Variants in PDE7B observed in about 807,000 individuals in gnomAD.
The protein encoded by PDE7B is 3',5'-cyclic-AMP phosphodiesterase 7B.
In PDE7B, 29 loss-of-function variants were observed where a neutral mutation model predicts 56.2. The observed-to-expected ratio is 0.52, with a 90% CI of 0.38 to 0.70. The LOEUF (loss-of-function observed/expected upper bound fraction) is 0.70. Ranked by LOEUF, PDE7B falls within the 30% of genes least tolerant of loss-of-function variation. PDE7B has a pLI of 0.00. For synonymous variants in PDE7B, 197 were observed against 196.9 expected, an observed-to-expected ratio of 1.00 and a Z score of 0.00; for missense variants, 490 against 565.0, an observed-to-expected ratio of 0.87 and a Z score of 1.35.
chr6:136,165,211 G>A (rs570765595), intron 8 of PDE7B, among the ~76,000 whole-genome samples: 4 of 152,160 alleles, frequency 2.6e-5, no homozygotes, highest in African/African-American at 9.7e-5. Context: ...TGTCAGTTCT[G>A]TTGAGAGAAC....
intron 1 of PDE7B, among the ~76,000 whole-genome samples, chr6:135,877,757 A>C (rs9494407): frequency 0.12 from 17,614 of 145,838 alleles, 2,124 homozygotes; most frequent in African/African-American, 0.35. Context: ...CAAAACAAAA[A>C]AAAAAAAAAA....
In PDE7B at chr6:136,173,903, G is replaced by C; in HGVS notation, c.803+15G>C. Reference sequence around the variant, plus strand: ...AAGGAAATGACGTAAGTGCTGCCGAGATGAAACATACTGATGTGCATGCAG... The same window carrying C: ...AAGGAAATGACGTAAGTGCTGCCGACATGAAACATACTGATGTGCATGCAG... On this transcript the variant is annotated intron_variant, in intron 9 of 12. Coordinates refer to ENST00000308191, the MANE Select transcript of PDE7B (RefSeq NM_018945.4). 1 of 1,572,098 alleles carries C rather than the reference G, an allele frequency of 6.4e-7. No individual in the cohort carries two copies. The highest frequency in any genetic ancestry group is 1.1e-5 in the South Asian group (1 of 90,202).
intron 2 of PDE7B, among the ~76,000 whole-genome samples, chr6:135,982,073 C>A (rs1002890603): frequency 6.6e-6 from 1 of 152,116 alleles, no homozygotes; most frequent in Non-Finnish European, 1.5e-5. Context: ...TTGACCCACA[C>A]GGTCTTACAC....
chr6:136,002,788 T>C (rs1775697468), intron 2 of PDE7B, among the ~76,000 whole-genome samples: 1 of 151,972 alleles, frequency 6.6e-6, no homozygotes, highest in African/African-American at 2.4e-5. Flanking sequence ...ATTAGACAGA[T>C]CAATGAGACA....
chr6:135,948,896 TAGACAGAC>T (rs869032694), intron 2 of PDE7B, among the ~76,000 whole-genome samples: 3 of 63,228 alleles, frequency 4.7e-5, no homozygotes, highest in African/African-American at 2.3e-4. Flanking sequence ...GATAGATAGA[TAGACAGAC>T]AGACAGACAG....
chr6:136,054,860 A>T (rs984567546), intron 2 of PDE7B, among the ~76,000 whole-genome samples: 6 of 152,184 alleles, frequency 3.9e-5, no homozygotes, highest in Admixed American at 2.6e-4. Flanking sequence ...AGGCAAAGAG[A>T]GTGTGTGCAG....
In PDE7B at chr6:136,181,449, C is replaced by A. The variant is rs1394034862; in HGVS notation, c.1045+126C>A. 4.5e-6 allele frequency: 3 copies of A among 666,564 alleles called. No homozygotes were observed. The Admixed American group carries it at 7.9e-5, about 18-fold the overall frequency. The allele number at this position is 666,564 out of a possible 1,614,324, so 41.3% of individuals were successfully genotyped here. On this transcript the variant is annotated intron_variant, in intron 11 of 12. Transcript: ENST00000308191. ...TCTCATCAACTCTTGTTATCCTAAC[C>A]TTTCTCTTTTACTCTCTTGGAACTC...
chr6:135,938,639 C>T (rs1298695842), intron 1 of PDE7B, among the ~76,000 whole-genome samples: 2 of 152,148 alleles, frequency 1.3e-5, no homozygotes, highest in African/African-American at 2.4e-5. Flanking sequence ...ATGTGCATTT[C>T]GATGTGTGCT....
rs138048107 is a variant in PDE7B, at chr6:135,921,946, C to A, written c.22-25518C>A. ...AAAACTTACTGGAGTAGACTGAGAA[C>A]AAGCAGTTTAGAACTCTCTCCCTCA... On this transcript the variant is annotated intron_variant, in intron 1 of 12. Coordinates refer to ENST00000308191, the MANE Select transcript of PDE7B (RefSeq NM_018945.4). 4.8e-3 allele frequency among the ~76,000 whole-genome samples: 728 copies of A among 152,178 alleles called. 3 individuals are homozygous for A. The highest frequency in any genetic ancestry group is 7.4e-3 in the Non-Finnish European group (501 of 68,004).
intron 2 of PDE7B, among the ~76,000 whole-genome samples, chr6:136,070,565 T>C (rs1365927948): frequency 6.6e-6 from 1 of 152,160 alleles, no homozygotes; most frequent in Non-Finnish European, 1.5e-5. Flanking sequence ...TTTTAAAAGG[T>C]TAGTTAATGG....
intron 2 of PDE7B, among the ~76,000 whole-genome samples, chr6:136,048,248 G>A (rs769179005): frequency 1.2e-4 from 19 of 152,194 alleles, no homozygotes; most frequent in South Asian, 2.1e-4. Context: ...GATGGGCTGG[G>A]CGCGGTGGCT....
At position 136,029,012 on chromosome 6, in the gene PDE7B, G is replaced by A. The variant is rs965887224; in HGVS notation, c.83-79719G>A. Among the ~76,000 whole-genome samples the A allele has an allele frequency of 3.3e-5, 5 of 152,290 alleles. No homozygotes were observed. The East Asian group carries it at 5.8e-4, about 18-fold the overall frequency. ...AAGTTTGAATGTGTTTACAGGACTA[G>A]GTGAGTGGGAGCCTATTTTTGAAAG... On this transcript the variant is annotated intron_variant, in intron 2 of 12. Coordinates refer to ENST00000308191, the MANE Select transcript of PDE7B (RefSeq NM_018945.4).
chr6:135,919,643 G>T (rs1774027837), intron 1 of PDE7B, among the ~76,000 whole-genome samples: 1 of 152,194 alleles, frequency 6.6e-6, no homozygotes. Flanking sequence ...GTTTCAATAT[G>T]AACTGCATGG....
chr6:135,926,098 G>T (rs1324940101), intron 1 of PDE7B, among the ~76,000 whole-genome samples: 3 of 80,388 alleles, frequency 3.7e-5, no homozygotes, highest in Non-Finnish European at 5.0e-5. Flanking sequence ...GGGGGGGGGG[G>T]GGAGGGGGGA....
chr6:135,933,889 T>G (rs1357376548), intron 1 of PDE7B, among the ~76,000 whole-genome samples: 2 of 152,192 alleles, frequency 1.3e-5, no homozygotes, highest in African/African-American at 2.4e-5. Flanking sequence ...CTTTATATTT[T>G]ATAAATTTTA....
intron 2 of PDE7B, among the ~76,000 whole-genome samples, chr6:135,986,060 C>A (rs548288874): frequency 6.6e-6 from 1 of 152,300 alleles, no homozygotes; most frequent in South Asian, 2.1e-4. Context: ...TCATATTGCT[C>A]ACTAGAGACC....
At chr6:136,151,872 G>A (rs1314582523) in intron 6 of PDE7B, among the ~76,000 whole-genome samples, 2 of 152,050 alleles carry the variant, frequency 1.3e-5, no homozygotes, top group African/African-American at 4.8e-5. Context: ...CCCGGGAGGT[G>A]GAGGTTGCAG....
intron 3 of PDE7B, among the ~76,000 whole-genome samples, chr6:136,111,877 C>T (rs984896155): frequency 6.6e-6 from 1 of 152,200 alleles, no homozygotes; most frequent in East Asian, 1.9e-4. Context: ...CCCCAAACTT[C>T]ATTTTCCTTG....
rs1190617497 is a variant in PDE7B at position 136,154,116 on chromosome 6, A to G, written c.520A>G (p.Asn174Asp). ...TTACCACAGCCAAAACCCGTATCAC[A>G]ATGCTGTTCACGCAGCCGACGTCAC... Reference protein sequence around the residue: ...EDYHSQNPYHNAVHAADVTQA... With the variant: ...EDYHSQNPYHDAVHAADVTQA... The change falls in exon 7 of 13, where the codon AAT becomes GAT. Residue 174 changes from asparagine (N) to aspartate (D), a missense_variant. Transcript: ENST00000308191. 1.2e-6 allele frequency: 2 copies of G among 1,613,928 alleles called. No homozygotes were observed. The highest frequency in any genetic ancestry group is 2.2e-5 in the South Asian group (2 of 91,070).
Sources: allele counts gnomAD v4.1 joint callset (sites outside exome capture counted in the v4.1 genomes callset), GRCh38; gene constraint gnomAD v4.1.1; transcripts MANE v1.5; gene names NCBI Gene and HGNC (gene_info 2026-07-23, HGNC 2026-07-21).